Variants in RBFOX1 observed in about 807,000 individuals in gnomAD.
The protein encoded by RBFOX1 is RNA binding protein fox-1 homolog 1.
A neutral mutation model predicts 57.7 loss-of-function variants in RBFOX1; 8 were observed. The ratio of observed to expected loss-of-function variants is 0.14; its 90% CI spans 0.08 to 0.25. The LOEUF (loss-of-function observed/expected upper bound fraction) is 0.25, where lower values mean the gene tolerates loss of function less well. Ranked by LOEUF, RBFOX1 falls within the 10% of genes least tolerant of loss-of-function variation. The pLI is 1.00. For missense variants in RBFOX1, 611 were observed against 548.5 expected (o/e 1.11, Z -1.14); for synonymous variants, 326 against 222.4 (o/e 1.47, Z -4.15).
chr16:7,495,163 G>A (rs1218471179), intron 4 of RBFOX1, among the ~76,000 whole-genome samples: 4 of 152,070 alleles, frequency 2.6e-5, no homozygotes, highest in African/African-American at 2.4e-5. Flanking sequence ...CTGTTTTATG[G>A]CTGCATAGTA....
At position 6,782,422 on chromosome 16, in the gene RBFOX1, G is replaced by C. The variant is rs570396684; in HGVS notation, c.-16+127772G>C. 2.0e-5 allele frequency among the ~76,000 whole-genome samples: 3 copies of C among 152,180 alleles called. No homozygotes were observed. The East Asian group carries it at 5.8e-4, about 29-fold the overall frequency. On this transcript the variant is annotated intron_variant, in intron 3 of 15. Transcript: ENST00000550418. ...TCATCCAGTAGTTATTCAGGAGCATGTTATTTAATTTCCATGTATTTATAT... is the reference window on the plus strand; with the variant it reads ...TCATCCAGTAGTTATTCAGGAGCATCTTATTTAATTTCCATGTATTTATAT...
At chr16:6,887,479 G>C (rs1025518259) in intron 3 of RBFOX1, among the ~76,000 whole-genome samples, 1 of 152,012 alleles carries the variant, frequency 6.6e-6, no homozygotes, top group Non-Finnish European at 1.5e-5. Context: ...ATGTTTTCTG[G>C]CTTTTTCTAT....
At chr16:6,449,869 A>G (rs2094555368) in intron 2 of RBFOX1, among the ~76,000 whole-genome samples, 1 of 151,344 alleles carries the variant, frequency 6.6e-6, no homozygotes, top group Admixed American at 6.6e-5. Flanking sequence ...TATGAGAGGC[A>G]GTATTCAGGA....
intron 4 of RBFOX1, among the ~76,000 whole-genome samples, chr16:5,880,560 A>G (rs1171466890): frequency 1.3e-5 from 2 of 152,164 alleles, no homozygotes; most frequent in African/African-American, 4.8e-5. Context: ...TGCTTTGTAG[A>G]TGCATTATTA....
At chr16:5,881,856 C>T (rs142520882) in intron 4 of RBFOX1, among the ~76,000 whole-genome samples, 3 of 152,110 alleles carry the variant, frequency 2.0e-5, no homozygotes, top group African/African-American at 7.2e-5. Context: ...TAAATACTTA[C>T]TATGCACCAG....
chr16:7,215,600 C>G (rs1455275727), intron 4 of RBFOX1, among the ~76,000 whole-genome samples: 1 of 152,132 alleles, frequency 6.6e-6, no homozygotes, highest in African/African-American at 2.4e-5. Context: ...TGACCACATT[C>G]TAAATTTACA....
chr16:5,672,199 T>A (rs1567376822), intron 3 of RBFOX1, among the ~76,000 whole-genome samples: 2 of 152,170 alleles, frequency 1.3e-5, no homozygotes, highest in Admixed American at 1.3e-4. Flanking sequence ...AGTACCCTAA[T>A]GTATTATATT....
At chr16:6,609,813 T>C (rs539691718) in intron 2 of RBFOX1, among the ~76,000 whole-genome samples, 67 of 152,044 alleles carry the variant, frequency 4.4e-4, no homozygotes, top group African/African-American at 1.5e-3. Context: ...GTCAAGACCA[T>C]CCTGGCCAAC....
At position 6,549,349 on chromosome 16, in the gene RBFOX1, G is replaced by C. The variant is rs1267155181; in HGVS notation, c.-63-105254G>C. Reference sequence around the variant, plus strand: ...AGGGAGGAGGAGGGGTGGAGGAGGAGGGGAGGAGGGAAGGAGGAGGAGGGG... The same window carrying C: ...AGGGAGGAGGAGGGGTGGAGGAGGACGGGAGGAGGGAAGGAGGAGGAGGGG... On this transcript the variant is annotated intron_variant, in intron 2 of 15. Transcript: ENST00000550418. Among the ~76,000 whole-genome samples, 8 of 20,984 alleles carry C rather than the reference G, an allele frequency of 3.8e-4. 1 individual carries two copies. The highest frequency in any genetic ancestry group is 1.9e-3 in the African/African-American group (8 of 4,134). 13.8% of individuals were successfully genotyped at this position (20,984 alleles called of 152,430 possible). A position where few individuals can be genotyped will look rare whatever the true frequency, so the allele number is the denominator to read the frequency against.
At chr16:6,825,976 C>G (rs114486016) in intron 3 of RBFOX1, among the ~76,000 whole-genome samples, 1 of 152,122 alleles carries the variant, frequency 6.6e-6, no homozygotes, top group East Asian at 1.9e-4. Flanking sequence ...GTTTCCATGT[C>G]TGCAAAAATG....
rs536214501 is a variant in RBFOX1, at chr16:6,751,454, G to C, written c.-16+96804G>C. Among the ~76,000 whole-genome samples, 331 of 152,238 alleles carry C rather than the reference G, an allele frequency of 2.2e-3. 19 individuals are homozygous for C. In the South Asian group the frequency reaches 0.067, roughly 31 times the overall value. ...TTGGGGCATTTGTACCCTGATGACTGAACATCCTGACTTCCTATGTCTTAG... is the reference window on the plus strand; with the variant it reads ...TTGGGGCATTTGTACCCTGATGACTCAACATCCTGACTTCCTATGTCTTAG... On this transcript the variant is annotated intron_variant, in intron 3 of 15. Coordinates refer to ENST00000550418, the MANE Select transcript of RBFOX1 (RefSeq NM_018723.4).
At chr16:6,637,431 T>A (rs1377610578) in intron 2 of RBFOX1, among the ~76,000 whole-genome samples, 4 of 1,430 alleles carry the variant, frequency 2.8e-3, no homozygotes, top group Non-Finnish European at 0.026. Context: ...ATAAATATAT[T>A]ATATAAATAT....
At chr16:6,897,757 C>T (rs555198423) in intron 3 of RBFOX1, among the ~76,000 whole-genome samples, 1 of 152,174 alleles carries the variant, frequency 6.6e-6, no homozygotes, top group African/African-American at 2.4e-5. Context: ...CATGCTGTTA[C>T]ACTCCAGCCT....
intron 3 of RBFOX1, among the ~76,000 whole-genome samples, chr16:6,697,950 C>T (rs1239721458): frequency 6.6e-6 from 1 of 152,112 alleles, no homozygotes; most frequent in Non-Finnish European, 1.5e-5. Context: ...ATTAAGGAAC[C>T]AACCAGAGAG....
intron 4 of RBFOX1, among the ~76,000 whole-genome samples, chr16:7,495,180 G>T (rs2068215589): frequency 6.6e-6 from 1 of 152,050 alleles, no homozygotes; most frequent in South Asian, 2.1e-4. Flanking sequence ...AGTATTCCAT[G>T]GTGTAGATAT....
At chr16:7,423,687 C>G (rs542549811) in intron 4 of RBFOX1, among the ~76,000 whole-genome samples, 2 of 152,264 alleles carry the variant, frequency 1.3e-5, no homozygotes, top group East Asian at 1.9e-4. Flanking sequence ...GGTTCTGATT[C>G]GCTGACCTGC....
chr16:6,509,082 A>AGTAAC (rs1453443432), intron 2 of RBFOX1, among the ~76,000 whole-genome samples: 1 of 152,154 alleles, frequency 6.6e-6, no homozygotes, highest in Non-Finnish European at 1.5e-5. Context: ...TTGAGAAAAG[A>AGTAAC]CTGATTTTAT....
chr16:7,304,160 G>A, intron 4 of RBFOX1: 1 of 968,476 alleles, frequency 1.0e-6, no homozygotes, highest in Non-Finnish European at 1.2e-6. Context: ...GGGACCGGCG[G>A]GGTGCGGTGG....
intron 3 of RBFOX1, among the ~76,000 whole-genome samples, chr16:6,820,767 C>G (rs1555501380): frequency 2.0e-5 from 3 of 152,110 alleles, no homozygotes; most frequent in South Asian, 2.1e-4. Context: ...GATGCTAAGT[C>G]AGAGACTTAT....
Sources: allele counts gnomAD v4.1 joint callset (sites outside exome capture counted in the v4.1 genomes callset), GRCh38; gene constraint gnomAD v4.1.1; transcripts MANE v1.5; gene names NCBI Gene and HGNC (gene_info 2026-07-23, HGNC 2026-07-21).